FHIT: variants seen among roughly 807,000 people sequenced by gnomAD.
The protein encoded by FHIT is fragile histidine triad diadenosine triphosphatase, also known as bis(5'-adenosyl)-triphosphatase.
In FHIT, 19 loss-of-function variants were observed where a neutral mutation model predicts 17.9. The ratio of observed to expected loss-of-function variants is 1.06; its 90% CI spans 0.74 to 1.56. The LOEUF (loss-of-function observed/expected upper bound fraction) is 1.56, where lower values mean the gene tolerates loss of function less well. FHIT is among the 40% of genes most tolerant of loss of function. The pLI is 0.00. For synonymous variants in FHIT, 81 were observed against 69.7 expected (o/e 1.16, Z -0.81); for missense variants, 248 against 189.2 (o/e 1.31, Z -1.82).
chr3:60,561,487 GA>G (rs34615883), intron 4 of FHIT, among the ~76,000 whole-genome samples: 4 of 147,440 alleles, frequency 2.7e-5, no homozygotes, highest in African/African-American at 7.5e-5. Context: ...ATGATGGGGA[GA>G]AAAAAAAAAC....
intron 5 of FHIT, among the ~76,000 whole-genome samples, chr3:60,400,344 C>A (rs867414051): frequency 1.6e-4 from 25 of 152,140 alleles, no homozygotes; most frequent in African/African-American, 6.0e-4. Flanking sequence ...CAGCCTGGGG[C>A]CTGCAGAGGA....
chr3:59,930,815 C>G (rs982889318), intron 7 of FHIT, among the ~76,000 whole-genome samples: 11 of 152,112 alleles, frequency 7.2e-5, no homozygotes, highest in Non-Finnish European at 1.6e-4. Context: ...AATGGCAGGG[C>G]TGGGACTGGA....
chr3:60,183,997 C>CA (rs1702055739), intron 5 of FHIT, among the ~76,000 whole-genome samples: 4 of 56,376 alleles, frequency 7.1e-5, no homozygotes, highest in Non-Finnish European at 1.1e-4. Flanking sequence ...ATTTATTTTT[C>CA]GTTTTTTTTT....
chr3:60,749,348 A>C lies in FHIT; in HGVS notation c.-18+72571T>G, dbSNP rs142225808. Among the ~76,000 whole-genome samples, 54 of 152,250 alleles carry C rather than the reference A, an allele frequency of 3.5e-4. 1 individual carries two copies. The East Asian group carries it at 8.7e-3, about 25-fold the overall frequency. ...GTTGAATCCCAAATGTCTTCAGCTT[A>C]AAATAATCTTCAGACCAACTCTGGG... On this transcript the variant is annotated intron_variant, in intron 4 of 9. Coordinates refer to ENST00000492590, the MANE Select transcript of FHIT (RefSeq NM_002012.4).
chr3:59,868,856 C>A (rs1335079921), intron 8 of FHIT, among the ~76,000 whole-genome samples: 1 of 152,192 alleles, frequency 6.6e-6, no homozygotes, highest in Non-Finnish European at 1.5e-5. Flanking sequence ...AAGAAAAATT[C>A]TCTTTCCTAT....
In FHIT at chr3:60,599,034, A is replaced by C. The variant is rs1576948043; in HGVS notation, c.-17-62055T>G. Among the ~76,000 whole-genome samples, 11 of 152,144 alleles carry C rather than the reference A, an allele frequency of 7.2e-5. No individual in the cohort carries two copies. The South Asian group carries it at 2.3e-3, about 32-fold the overall frequency. On this transcript the variant is annotated intron_variant, in intron 4 of 9. Transcript: ENST00000492590. ...GTTTAAAATCTGTTAAAATGTATTA[A>C]TGTGCAGTGTTCCATTGTATCTTGC... is the stretch of plus-strand genomic sequence containing the variant.
intron 3 of FHIT, among the ~76,000 whole-genome samples, chr3:60,842,639 ATATATATT>A (rs1702771709): frequency 2.1e-4 from 9 of 43,416 alleles, no homozygotes; most frequent in African/African-American, 4.2e-4. Context: ...GTATATATAT[ATATATATT>A]TTTTTTTTTT....
chr3:59,873,364 G>A (rs1418344858), intron 8 of FHIT, among the ~76,000 whole-genome samples: 9 of 152,156 alleles, frequency 5.9e-5, no homozygotes, highest in Admixed American at 5.9e-4. Context: ...ATTGTGCTGG[G>A]TATTAAAGAC....
intron 3 of FHIT, among the ~76,000 whole-genome samples, chr3:60,902,993 T>C (rs569430625): frequency 2.0e-5 from 3 of 152,342 alleles, no homozygotes; most frequent in African/African-American, 7.2e-5. Context: ...TTCCTAAGTA[T>C]ACAATGTCAA....
At chr3:61,100,247 T>A (rs2035775335) in intron 2 of FHIT, among the ~76,000 whole-genome samples, 1 of 152,154 alleles carries the variant, frequency 6.6e-6, no homozygotes, top group East Asian at 1.9e-4. Flanking sequence ...TGTGTGATGT[T>A]CCCTGCCCTG....
intron 9 of FHIT, chr3:59,750,713 G>T (rs185508088): frequency 2.1e-3 from 452 of 214,284 alleles, no homozygotes; most frequent in Non-Finnish European, 3.3e-3. Context: ...AGGTAGTCTG[G>T]GTCTTTAACT....
At chr3:60,459,974 T>C (rs1173402089) in intron 5 of FHIT, among the ~76,000 whole-genome samples, 1 of 152,162 alleles carries the variant, frequency 6.6e-6, no homozygotes, top group Non-Finnish European at 1.5e-5. Context: ...CAAGATGTCC[T>C]TCTCTCATGT....
chr3:61,025,570 A>G (rs1438386793), intron 3 of FHIT, among the ~76,000 whole-genome samples: 1 of 152,010 alleles, frequency 6.6e-6, no homozygotes, highest in Non-Finnish European at 1.5e-5. Flanking sequence ...TCAGACACAG[A>G]AATATGGAAA....
chr3:60,879,949 T>C (rs1335041827), intron 3 of FHIT, among the ~76,000 whole-genome samples: 6 of 141,228 alleles, frequency 4.2e-5, no homozygotes, highest in Non-Finnish European at 9.3e-5. Context: ...AAGGAAAAGA[T>C]GTATTAAAAA....
intron 5 of FHIT, among the ~76,000 whole-genome samples, chr3:60,329,771 CT>C (rs1709875525): frequency 6.6e-6 from 1 of 152,202 alleles, no homozygotes; most frequent in Non-Finnish European, 1.5e-5. Flanking sequence ...ATGTCACCTC[CT>C]GTGAGACCCT....
chr3:61,111,508 T>C (rs544060235), intron 2 of FHIT, among the ~76,000 whole-genome samples: 2 of 152,252 alleles, frequency 1.3e-5, no homozygotes, highest in South Asian at 4.2e-4. Flanking sequence ...ACCTGACACA[T>C]CACAGGCACT....
At chr3:60,258,775 G>C (rs1362323913) in intron 5 of FHIT, among the ~76,000 whole-genome samples, 1 of 152,078 alleles carries the variant, frequency 6.6e-6, no homozygotes, top group Non-Finnish European at 1.5e-5. Context: ...AAAGTGGATA[G>C]TAATGAAAAA....
chr3:60,381,496 A>G (rs1422443632), intron 5 of FHIT, among the ~76,000 whole-genome samples: 1 of 152,026 alleles, frequency 6.6e-6, no homozygotes, highest in Non-Finnish European at 1.5e-5. Flanking sequence ...AAAAGAAAAG[A>G]AAAGAAAAGA....
intron 5 of FHIT, among the ~76,000 whole-genome samples, chr3:60,016,508 C>G (rs1289826618): frequency 6.6e-6 from 1 of 152,168 alleles, no homozygotes; most frequent in African/African-American, 2.4e-5. Context: ...TCCTCTCAGT[C>G]CAGGGTCTAT....
Sources: allele counts gnomAD v4.1 joint callset (sites outside exome capture counted in the v4.1 genomes callset), GRCh38; gene constraint gnomAD v4.1.1; transcripts MANE v1.5; gene names NCBI Gene and HGNC (gene_info 2026-07-23, HGNC 2026-07-21).